Variants in TRA2A observed in about 807,000 individuals in gnomAD.
The protein encoded by TRA2A is transformer 2 alpha homolog.
TRA2A carries 31 observed loss-of-function variants against 45.7 expected under a neutral mutation model. The observed-to-expected ratio is 0.68, with a 90% CI of 0.51 to 0.92. The LOEUF is 0.92. Among genes scored for constraint, TRA2A ranks in the 40% least tolerant of loss-of-function variants. The pLI, the probability that TRA2A is intolerant of heterozygous loss-of-function variation, is 0.00. For synonymous variants in TRA2A, 132 were observed against 126.2 expected, an observed-to-expected ratio of 1.05 and a Z score of -0.31; for missense variants, 304 against 367.5, an observed-to-expected ratio of 0.83 and a Z score of 1.41.
chr7:23,531,836 G>C lies in TRA2A; in HGVS notation c.-12C>G. 6.2e-7 allele frequency: 1 copy of C among 1,613,572 alleles called. No individual in the cohort carries two copies. The highest frequency in any genetic ancestry group is 1.3e-5 in the African/African-American group (1 of 75,064). On this transcript the variant is annotated 5_prime_UTR_variant, in exon 1 of 8. Transcript: ENST00000297071. ...TCCACATCACTCATGTCGACGAGGC[G>C]CTCCCCAGAACTAAATAAGAGACAA...
Position 23,513,700 on chromosome 7 carries a change from G to A in TRA2A, c.337-618C>T, listed in dbSNP as rs908196390. ...TTTTTATTTTCTGTAGAAAGGGTACGCTTGTCAGCAGTTTTGTCACAAGAG... is the reference window on the plus strand; with the variant it reads ...TTTTTATTTTCTGTAGAAAGGGTACACTTGTCAGCAGTTTTGTCACAAGAG... On this transcript the variant is annotated intron_variant, in intron 3 of 7. Coordinates refer to ENST00000297071, the MANE Select transcript of TRA2A (RefSeq NM_013293.5). Among the ~76,000 whole-genome samples, 5 of 151,792 alleles carry A rather than the reference G, an allele frequency of 3.3e-5. No individual in the cohort carries two copies. In the East Asian group the frequency reaches 9.6e-4, roughly 29 times the overall value.
intron 3 of TRA2A, 107 bp from the exon 4 acceptor site, chr7:23,513,189 T>TGTA: frequency 4.0e-6 from 3 of 756,958 alleles, no homozygotes; most frequent in Non-Finnish European, 6.0e-6. Flanking sequence ...AAATATATTG[T>TGTA]TTCTAATAAT....
In TRA2A at chr7:23,506,248, T is replaced by C. The variant is rs1562784495; in HGVS notation, c.660A>G (p.Gly220=). ...GRPTHSGGGG[G]GGGGGGGGGG... ...CTCCACCTCCACCGCCGCCGCCTCC[T>C]CCACCACCCCCACCACTACTGCAGA... Residue 220 remains glycine (G), a synonymous_variant, in exon 6 of 8, where the codon GGA becomes GGG. Transcript: ENST00000297071. 2.0e-6 allele frequency: 3 copies of C among 1,478,856 alleles called. No homozygotes were observed. 91.6% of individuals were successfully genotyped at this position (1,478,856 alleles called of 1,614,324 possible).
chr7:23,530,464 G>A (rs1584152405), intron 1 of TRA2A, among the ~76,000 whole-genome samples: 1 of 152,066 alleles, frequency 6.6e-6, no homozygotes, highest in Non-Finnish European at 1.5e-5. Context: ...GACAAAATTC[G>A]CCCTTCAGCA....
chr7:23,508,868 TC>T (rs1430654850), intron 4 of TRA2A, among the ~76,000 whole-genome samples: 1 of 152,206 alleles, frequency 6.6e-6, no homozygotes, highest in Non-Finnish European at 1.5e-5. Context: ...CAAGTGGCCT[TC>T]CCACCTCAGC....
chr7:23,507,868 C>A (rs145031550), intron 4 of TRA2A, among the ~76,000 whole-genome samples: 1 of 152,264 alleles, frequency 6.6e-6, no homozygotes, highest in East Asian at 1.9e-4. Context: ...AATTCCCATT[C>A]CCCACTCCAT....
rs34533841 is a variant in TRA2A, at chr7:23,517,586, T to TA, written c.171-1059dup. 9.8e-3 allele frequency among the ~76,000 whole-genome samples: 1,356 copies of TA among 139,016 alleles called. 14 individuals carry two copies. Among genetic ancestry groups the TA allele is most frequent in the African/African-American group, 0.023 (882 of 37,746 alleles). 91.2% of individuals were successfully genotyped at this position (139,016 alleles called of 152,430 possible). On this transcript the variant is annotated intron_variant, in intron 2 of 7. Transcript: ENST00000297071. Reference sequence around the variant, plus strand: ...ATAGCAAGACTCCACACTTCTATTTTAAAAAAAAAAACAGAAACAAAGACA... The same window carrying TA: ...ATAGCAAGACTCCACACTTCTATTTTAAAAAAAAAAAACAGAAACAAAGACA...
intron 4 of TRA2A, among the ~76,000 whole-genome samples, chr7:23,508,187 A>G (rs1417216790): frequency 3.9e-5 from 6 of 152,080 alleles, no homozygotes; most frequent in Admixed American, 3.3e-4. Flanking sequence ...CTGAACTAAT[A>G]AAAGTATAAT....
rs1466351835 is a variant in TRA2A at position 23,530,539 on chromosome 7, C to T, written c.36+1250G>A. On this transcript the variant is annotated intron_variant, in intron 1 of 7. Transcript: ENST00000297071. ...TAGAATAAACATCTACACAACAGCC[C>T]GGAACGTGTTGCATGGGGCTTTTGT... Among the ~76,000 whole-genome samples, 3 of 152,180 alleles carry T rather than the reference C, an allele frequency of 2.0e-5. No individual in the cohort carries two copies. In the South Asian group the frequency reaches 6.2e-4, roughly 31 times the overall value.
At chr7:23,509,512 G>A (rs968458993) in intron 4 of TRA2A, among the ~76,000 whole-genome samples, 1 of 152,270 alleles carries the variant, frequency 6.6e-6, no homozygotes, top group East Asian at 1.9e-4. Context: ...AAGATGGGGG[G>A]ATCATGAGGT....
intron 1 of TRA2A, chr7:23,531,101 G>C: frequency 2.4e-6 from 1 of 420,248 alleles, no homozygotes. Flanking sequence ...GGACATTAAG[G>C]GAAAAGGGCT....
intron 3 of TRA2A, 45 bp from the exon 4 acceptor site, chr7:23,513,127 A>T: frequency 7.1e-7 from 1 of 1,401,312 alleles, no homozygotes; most frequent in Non-Finnish European, 9.8e-7. Context: ...TAAAATCAAA[A>T]TCAAAGAAAC....
chr7:23,516,516 C>G lies in TRA2A; in HGVS notation c.183G>C (p.Arg61Ser). 1 of 1,613,980 alleles carries G rather than the reference C, an allele frequency of 6.2e-7. No homozygotes were observed. Residue 61 changes from arginine (R) to serine (S), a missense_variant, in exon 3 of 8, where the codon AGG becomes AGC. Arg to Ser is a moderately radical substitution (Grantham distance 110). Coordinates refer to ENST00000297071, the MANE Select transcript of TRA2A (RefSeq NM_013293.5). ...RSRSKSRSRS[R>S]RHSHRRYTRS... is the part of the protein sequence containing the mutation. Reference sequence around the variant, plus strand: ...GAGTGTAACGTCTATGAGAATGTCTCCTTGACCTCGACCTTTGAGAGAAAT... The same window carrying G: ...GAGTGTAACGTCTATGAGAATGTCTGCTTGACCTCGACCTTTGAGAGAAAT...
Position 23,505,500 on chromosome 7 carries a change from T to TAAA in TRA2A, c.*56_*58dup, listed in dbSNP as rs777556731. Reference sequence around the variant, plus strand: ...CCACAGCTTGGGGAAATCTCAGAATTAAAAAAAAAAAAAAAAAAAAGAGGA... The same window carrying TAAA: ...CCACAGCTTGGGGAAATCTCAGAATTAAAAAAAAAAAAAAAAAAAAAAAGAGGA... On this transcript the variant is annotated 3_prime_UTR_variant, in exon 8 of 8. Transcript: ENST00000297071. The TAAA allele has an allele frequency of 4.5e-3, 1,583 of 350,360 alleles. 24 individuals carry two copies. The African/African-American group carries it at 0.047, about 10-fold the overall frequency. 21.7% of individuals were successfully genotyped at this position (350,360 alleles called of 1,614,324 possible). A position where few individuals can be genotyped will look rare whatever the true frequency, so the allele number is the denominator to read the frequency against.
Position 23,531,909 on chromosome 7 carries a change from T to TG in TRA2A, c.-86dup. ...CCTAATTAACCCGCTGACTGGACCG[T>TG]GGGGAAGAGGAAAGAGTCGGCAACC... On this transcript the variant is annotated 5_prime_UTR_variant, in exon 1 of 8. Transcript: ENST00000297071. 1.3e-6 allele frequency: 2 copies of TG among 1,496,982 alleles called. No individual in the cohort carries two copies. Among genetic ancestry groups the TG allele is most frequent in the Non-Finnish European group, 9.2e-7 (1 of 1,083,078 alleles). 92.7% of individuals were successfully genotyped at this position (1,496,982 alleles called of 1,614,324 possible).
chr7:23,525,506 T>C lies in TRA2A; in HGVS notation c.37-3666A>G, dbSNP rs112768617. Among the ~76,000 whole-genome samples the C allele has an allele frequency of 9.7e-3, 1,475 of 152,316 alleles. 13 individuals are homozygous for C. The highest frequency in any genetic ancestry group is 0.044 in the Middle Eastern group (13 of 294). ...CTCGTATCATGAATTTTAACAAAAG[T>C]CTTAAATAGGCCTCCAGTCTATCTT... On this transcript the variant is annotated intron_variant, in intron 1 of 7. Transcript: ENST00000297071.
rs557181460 is a variant in TRA2A at position 23,522,956 on chromosome 7, C to G, written c.37-1116G>C. Among the ~76,000 whole-genome samples, 12 of 152,212 alleles carry G rather than the reference C, an allele frequency of 7.9e-5. 1 individual carries two copies. The South Asian group carries it at 2.5e-3, about 32-fold the overall frequency. The stretch of plus-strand genomic sequence containing the variant: ...AAGAAAAAAATCAGTAAAATTACAC[C>G]TTCTCCCAACTTTGACTACTATCTT... On this transcript the variant is annotated intron_variant, in intron 1 of 7. Coordinates refer to ENST00000297071, the MANE Select transcript of TRA2A (RefSeq NM_013293.5).
chr7:23,531,346 G>GAA (rs1790574254), intron 1 of TRA2A: 2 of 699,652 alleles, frequency 2.9e-6, no homozygotes, highest in Non-Finnish European at 1.8e-6. Context: ...AAGCAGCCCC[G>GAA]CGCACTTTCG....
chr7:23,527,977 C>G (rs1323787108), intron 1 of TRA2A, among the ~76,000 whole-genome samples: 1 of 152,042 alleles, frequency 6.6e-6, no homozygotes, highest in Non-Finnish European at 1.5e-5. Flanking sequence ...GCATTAAAAT[C>G]AGATAAATGA....
Sources: gnomAD v4.1 joint callset for allele counts (sites outside exome capture counted in the v4.1 genomes callset) on GRCh38, gnomAD v4.1.1 for gene constraint, MANE v1.5 for transcripts, NCBI Gene and HGNC (gene_info 2026-07-23, HGNC 2026-07-21) for gene names.